POFUT3: variants seen among roughly 807,000 people sequenced by gnomAD.
POFUT3 encodes the protein GDP-fucose protein O-fucosyltransferase 3.
At chr8:33,440,640 G>A in the POFUT3 span, among the ~76,000 whole-genome samples, 1 of 152,056 alleles carries the variant, frequency 6.6e-6, no homozygotes, top group Non-Finnish European at 1.5e-5. Flanking sequence ...GGAGTCACGT[G>A]AACCACTTCA....
the POFUT3 span, among the ~76,000 whole-genome samples, chr8:33,407,667 A>C: frequency 4.6e-5 from 7 of 152,232 alleles, no homozygotes; most frequent in African/African-American, 1.7e-4. Flanking sequence ...TTCCACAGGG[A>C]CTCTCCCAAA....
At chr8:33,458,618 AG>A in the POFUT3 span, among the ~76,000 whole-genome samples, 1 of 152,050 alleles carries the variant, frequency 6.6e-6, no homozygotes, top group African/African-American at 2.4e-5. Flanking sequence ...CAGGAGGCTG[AG>A]GCAGGAGAAT....
At chr8:33,455,719 C>T in the POFUT3 span, 4 of 436,066 alleles carry the variant, frequency 9.2e-6, no homozygotes, top group African/African-American at 8.2e-5. Flanking sequence ...GCCATGGAGG[C>T]CATTCCCTGT....
the POFUT3 span, among the ~76,000 whole-genome samples, chr8:33,366,684 C>T: frequency 6.6e-6 from 1 of 152,172 alleles, no homozygotes; most frequent in Non-Finnish European, 1.5e-5. Context: ...TTTCACTTTT[C>T]GCTTGAAAGC....
chr8:33,373,452 G>A, the POFUT3 span, among the ~76,000 whole-genome samples: 1 of 152,120 alleles, frequency 6.6e-6, no homozygotes, highest in African/African-American at 2.4e-5. Flanking sequence ...CCTGACATTG[G>A]CATAATACCT....
chr8:33,461,546 C>T, the POFUT3 span: 45 of 1,591,072 alleles, frequency 2.8e-5, no homozygotes, highest in East Asian at 9.4e-4. Flanking sequence ...CATGGAAGAA[C>T]CATCTGGGCG....
the POFUT3 span, among the ~76,000 whole-genome samples, chr8:33,405,251 C>T: frequency 6.6e-6 from 1 of 151,950 alleles, no homozygotes; most frequent in Non-Finnish European, 1.5e-5. Flanking sequence ...CGAGATTGTG[C>T]CACTGCACTC....
the POFUT3 span, among the ~76,000 whole-genome samples, chr8:33,324,680 A>G: frequency 2.0e-5 from 3 of 152,162 alleles, no homozygotes; most frequent in African/African-American, 7.2e-5. Context: ...TAGTGGATGC[A>G]TAACAAATGT....
chr8:33,426,227 TTATAGA>T, the POFUT3 span, among the ~76,000 whole-genome samples: 3 of 152,076 alleles, frequency 2.0e-5, no homozygotes, highest in African/African-American at 7.2e-5. Flanking sequence ...CTTAAAGAGA[TTATAGA>T]TATAAACTGG....
the POFUT3 span, among the ~76,000 whole-genome samples, chr8:33,320,524 G>A: frequency 1.3e-5 from 2 of 152,008 alleles, no homozygotes; most frequent in Non-Finnish European, 1.5e-5. Context: ...CCAAAACTCA[G>A]TGGTTAAAAT....
At chr8:33,372,520 C>T in the POFUT3 span, 1 of 1,555,842 alleles carries the variant, frequency 6.4e-7, no homozygotes, top group Non-Finnish European at 8.7e-7. Flanking sequence ...ATTAAGGCAA[C>T]CTAGAAAATA....
chr8:33,412,772 C>T, the POFUT3 span, among the ~76,000 whole-genome samples: 1 of 152,136 alleles, frequency 6.6e-6, no homozygotes, highest in Non-Finnish European at 1.5e-5. Flanking sequence ...GGATTACAGG[C>T]GTGCACCATC....
At chr8:33,369,523 T>A in the POFUT3 span, among the ~76,000 whole-genome samples, 1 of 152,224 alleles carries the variant, frequency 6.6e-6, no homozygotes, top group East Asian at 1.9e-4. Context: ...CTTCTGTTTC[T>A]TATAAGCCAC....
chr8:33,453,288 C>T, the POFUT3 span: 42 of 1,614,096 alleles, frequency 2.6e-5, no homozygotes, highest in Admixed American at 6.3e-4. Flanking sequence ...CAAGCATCTG[C>T]TCCACATTGG....
chr8:33,324,872 G>A, the POFUT3 span, among the ~76,000 whole-genome samples: 1 of 152,054 alleles, frequency 6.6e-6, no homozygotes, highest in African/African-American at 2.4e-5. Flanking sequence ...GCTGCTGCCT[G>A]ATCTTCATTC....
At chr8:33,445,844 T>C in the POFUT3 span, among the ~76,000 whole-genome samples, 1 of 151,962 alleles carries the variant, frequency 6.6e-6, no homozygotes, top group Non-Finnish European at 1.5e-5. Context: ...AAAGAAACTA[T>C]AAAAGCAACA....
At chr8:33,454,608 A>T in the POFUT3 span, among the ~76,000 whole-genome samples, 5 of 152,006 alleles carry the variant, frequency 3.3e-5, no homozygotes, top group Non-Finnish European at 7.4e-5. Context: ...TCTACTAAAC[A>T]CTTAGAACAA....
chr8:33,362,251 A>G, the POFUT3 span, among the ~76,000 whole-genome samples: 1 of 152,198 alleles, frequency 6.6e-6, no homozygotes, highest in South Asian at 2.1e-4. Flanking sequence ...CCTGCCTTAC[A>G]AGAGCGCCTG....
At chr8:33,461,245 C>A in the POFUT3 span, 5 of 908,608 alleles carry the variant, frequency 5.5e-6, no homozygotes, top group Non-Finnish European at 8.0e-6. Context: ...AAGGAAGGAA[C>A]CAACCCTGAT....
Sources: gnomAD v4.1 joint callset for allele counts (sites outside exome capture counted in the v4.1 genomes callset) on GRCh38, gnomAD v4.1.1 for gene constraint, MANE v1.5 for transcripts, NCBI Gene and HGNC (gene_info 2026-07-23, HGNC 2026-07-21) for gene names.